The following ANKRD11 variants were observed in gnomAD, a reference collection of about 807,000 sequenced individuals.
ANKRD11 encodes the protein ankyrin repeat domain-containing protein 11.
Under a neutral mutation model 195.7 loss-of-function variants are expected in ANKRD11, and 17 were observed. That is an observed-to-expected ratio of 0.09 (90% CI 0.06 to 0.13). ANKRD11 has a LOEUF of 0.13. Ranked by LOEUF, ANKRD11 falls within the 10% of genes least tolerant of loss-of-function variation. ANKRD11 has a pLI of 1.00. For missense variants in ANKRD11, 3,735 were observed against 3,566.1 expected (o/e 1.05, Z -1.21); for synonymous variants, 1,953 against 1,528.1 (o/e 1.28, Z -6.49).
intron 3 of ANKRD11, among the ~76,000 whole-genome samples, chr16:89,311,023 C>T (rs1299335739): frequency 1.3e-5 from 2 of 152,210 alleles, no homozygotes; most frequent in Non-Finnish European, 2.9e-5. Context: ...ATGTCAGTTG[C>T]AGGTTTTCAC....
intron 3 of ANKRD11, among the ~76,000 whole-genome samples, chr16:89,316,026 G>A (rs1168360210): frequency 6.6e-6 from 1 of 152,052 alleles, no homozygotes; most frequent in Non-Finnish European, 1.5e-5. Context: ...GACCACCGAG[G>A]GTCAGACAGG....
chr16:89,281,515 G>C lies in ANKRD11; in HGVS notation c.5027C>G (p.Ser1676Cys), dbSNP rs780866636. 1.2e-6 allele frequency: 2 copies of C among 1,614,264 alleles called. No homozygotes were observed. Among genetic ancestry groups the C allele is most frequent in the South Asian group, 1.1e-5 (1 of 91,090 alleles). Reference sequence around the variant, plus strand: ...GTGAGGGCCTGCCAGCCAGTCTTTGGAGTCTGCACCTGATGCTGGGTGTAG... The same window carrying C: ...GTGAGGGCCTGCCAGCCAGTCTTTGCAGTCTGCACCTGATGCTGGGTGTAG... ...NKLHPASGAD[S>C]KDWLAGPHMK... Residue 1676 changes from serine to cysteine, a missense_variant, in exon 9 of 13, where the codon TCC becomes TGC. Physicochemically the swap from Ser to Cys is moderately radical, Grantham distance 112. Coordinates refer to ENST00000301030, the MANE Select transcript of ANKRD11 (RefSeq NM_013275.6). The surrounding 1 kb of genome is among the most constrained non-coding windows in gnomAD (Gnocchi z 5.5).
chr16:89,275,918 C>A (rs1045301694), intron 9 of ANKRD11, among the ~76,000 whole-genome samples: 1 of 152,316 alleles, frequency 6.6e-6, no homozygotes, highest in South Asian at 2.1e-4. Context: ...CTGAGCCCCG[C>A]AGTGCAGCAG....
chr16:89,434,240 G>C (rs2043117681), intron 1 of ANKRD11, among the ~76,000 whole-genome samples: 1 of 152,058 alleles, frequency 6.6e-6, no homozygotes, highest in South Asian at 2.1e-4. Context: ...TGTGTGTCTG[G>C]GGGTGAACTG....
chr16:89,439,382 G>C (rs1597405906), intron 1 of ANKRD11, among the ~76,000 whole-genome samples: 2 of 152,246 alleles, frequency 1.3e-5, no homozygotes, highest in South Asian at 4.2e-4. Flanking sequence ...TTGCAATGGG[G>C]TTACCTCCCA....
intron 1 of ANKRD11, among the ~76,000 whole-genome samples, chr16:89,463,191 G>A (rs2056759803): frequency 6.6e-6 from 1 of 152,250 alleles, no homozygotes; most frequent in South Asian, 2.1e-4. Context: ...AGCTCATTGA[G>A]AACGGGCCAT....
rs574994124 is a variant in ANKRD11 at position 89,474,850 on chromosome 16, A to G, written c.-145+15395T>C. Among the ~76,000 whole-genome samples, 6 of 152,362 alleles carry G rather than the reference A, an allele frequency of 3.9e-5. No homozygotes were observed. In the South Asian group the frequency reaches 1.2e-3, roughly 32 times the overall value. On this transcript the variant is annotated intron_variant, in intron 1 of 12. Transcript: ENST00000301030. ...CTGCATAACATCCCAAAACTTACAC[A>G]TGTATCATCCAAATAAAAAAATAAA...
intron 2 of ANKRD11, among the ~76,000 whole-genome samples, chr16:89,355,950 A>G (rs2039453797): frequency 6.6e-6 from 1 of 152,198 alleles, no homozygotes; most frequent in African/African-American, 2.4e-5. Flanking sequence ...GACTCGCCCA[A>G]GACCACCAGA....
Position 89,283,507 on chromosome 16 carries a change from T to A in ANKRD11, c.3035A>T (p.Lys1012Met), listed in dbSNP as rs561419089. ...CTTCCTTTCCTTATCGGGGCCATCCTTCTTCTCCTTCTCTCGTGCTGGGTG... is the reference window on the plus strand; with the variant it reads ...CTTCCTTTCCTTATCGGGGCCATCCATCTTCTCCTTCTCTCGTGCTGGGTG... ...RHHPAREKEKKDGPDKERKEK... is the reference protein window; with the variant it reads ...RHHPAREKEKMDGPDKERKEK... Residue 1012 changes from lysine (K) to methionine (M), a missense_variant, in exon 9 of 13, where the codon AAG becomes ATG. Coordinates refer to ENST00000301030, the MANE Select transcript of ANKRD11 (RefSeq NM_013275.6). This position sits in a 1 kb window ranked among gnomAD's most constrained non-coding sequence, Gnocchi z 4.3. The A allele has an allele frequency of 6.2e-7, 1 of 1,613,850 alleles. No individual in the cohort carries two copies. Among genetic ancestry groups the A allele is most frequent in the South Asian group, 1.1e-5 (1 of 91,042 alleles).
intron 2 of ANKRD11, among the ~76,000 whole-genome samples, chr16:89,331,306 T>A (rs1378679555): frequency 6.6e-6 from 1 of 152,204 alleles, no homozygotes; most frequent in African/African-American, 2.4e-5. Context: ...TACTCTATAA[T>A]GAGGCTAATA....
chr16:89,488,335 A>G (rs1393320502), intron 1 of ANKRD11, among the ~76,000 whole-genome samples: 1 of 152,058 alleles, frequency 6.6e-6, no homozygotes, highest in African/African-American at 2.4e-5. Flanking sequence ...TTCGGGGAGA[A>G]ACTACAGAAA....
intron 4 of ANKRD11, among the ~76,000 whole-genome samples, chr16:89,304,091 TGA>T (rs2036012786): frequency 6.6e-6 from 1 of 152,184 alleles, no homozygotes; most frequent in African/African-American, 2.4e-5. Flanking sequence ...AGAAGCTGGA[TGA>T]CCAGGAGGAC....
At chr16:89,433,929 T>A (rs747643758) in intron 1 of ANKRD11, among the ~76,000 whole-genome samples, 3 of 152,220 alleles carry the variant, frequency 2.0e-5, no homozygotes, top group African/African-American at 7.2e-5. Context: ...GTATTAACAT[T>A]TGATTGTTTA....
chr16:89,321,093 A>C (rs1222029220), intron 2 of ANKRD11: 1 of 152,478 alleles, frequency 6.6e-6, no homozygotes, highest in African/African-American at 2.4e-5. Context: ...CCATCCAGGC[A>C]CCGCGCCCTC....
intron 2 of ANKRD11, chr16:89,339,791 G>A (rs950008050): frequency 6.6e-6 from 1 of 152,114 alleles, no homozygotes; most frequent in Non-Finnish European, 1.5e-5. Flanking sequence ...CCTTATATAA[G>A]CCCCACCCTG....
At chr16:89,441,633 G>C (rs1431660833) in intron 1 of ANKRD11, among the ~76,000 whole-genome samples, 1 of 151,772 alleles carries the variant, frequency 6.6e-6, no homozygotes, top group East Asian at 1.9e-4. Flanking sequence ...TGGGTGTGGT[G>C]GTGGGCACCT....
At chr16:89,489,877 C>T (rs1332165094) in intron 1 of ANKRD11, among the ~76,000 whole-genome samples, 4 of 145,262 alleles carry the variant, frequency 2.8e-5, no homozygotes, top group African/African-American at 1.0e-4. Flanking sequence ...CCCTCAGAGC[C>T]GCCGCGGGCC....
At chr16:89,477,079 G>C (rs983863198) in intron 1 of ANKRD11, among the ~76,000 whole-genome samples, 2 of 152,204 alleles carry the variant, frequency 1.3e-5, no homozygotes, top group African/African-American at 4.8e-5. Context: ...TTCTCCTTTG[G>C]TCTTGTCTTT....
intron 1 of ANKRD11, among the ~76,000 whole-genome samples, chr16:89,428,297 G>A (rs916186871): frequency 9.2e-5 from 14 of 151,880 alleles, no homozygotes; most frequent in African/African-American, 2.2e-4. Flanking sequence ...AGGCCAAGGC[G>A]GGCAGATCAG....
Sources: allele counts gnomAD v4.1 joint callset (sites outside exome capture counted in the v4.1 genomes callset), GRCh38; gene constraint gnomAD v4.1.1; non-coding constraint Gnocchi (gnomAD v3.1); transcripts MANE v1.5; gene names NCBI Gene and HGNC (gene_info 2026-07-23, HGNC 2026-07-21).